GTF3C1: variants seen among roughly 807,000 people sequenced by gnomAD.
The protein encoded by GTF3C1 is general transcription factor IIIC subunit 1.
In GTF3C1, 57 loss-of-function variants were observed where a neutral mutation model predicts 226.7. The ratio of observed to expected loss-of-function variants is 0.25; its 90% CI spans 0.20 to 0.31. The LOEUF (loss-of-function observed/expected upper bound fraction) is 0.31, where lower values mean the gene tolerates loss of function less well. GTF3C1 is among the 10% of genes least tolerant of loss of function. The pLI is 1.00. For missense variants in GTF3C1, 2,217 were observed against 2,776.1 expected (o/e 0.80, Z 4.53); for synonymous variants, 1,090 against 1,084.8 (o/e 1.00, Z -0.09).
chr16:27,504,409 T>G (rs573558159), intron 10 of GTF3C1, among the ~76,000 whole-genome samples: 1 of 152,112 alleles, frequency 6.6e-6, no homozygotes, highest in Non-Finnish European at 1.5e-5. Flanking sequence ...CCTGACTCCA[T>G]AGAGAGTTGT....
rs1350050648 is a variant in GTF3C1, at chr16:27,505,945, C to T, written c.1724G>A (p.Ser575Asn). The change falls in exon 10 of 37, where the codon AGT becomes AAT. Residue 575 changes from serine to asparagine, a missense_variant. Coordinates refer to ENST00000356183, the MANE Select transcript of GTF3C1 (RefSeq NM_001520.4). ...SFVSHCADSN[S>N]GDIAVIEEVR... ...CTCCTCGATCACAGCTATGTCACCA[C>T]TGTTGCTGTCCGCACAGTGGGAGAC... 2 of 1,613,484 alleles carry T rather than the reference C, an allele frequency of 1.2e-6. No homozygotes were observed. Among genetic ancestry groups the T allele is most frequent in the Non-Finnish European group, 1.7e-6 (2 of 1,179,352 alleles).
In GTF3C1 at chr16:27,486,155, C is replaced by T. The variant is rs2088135570; in HGVS notation, c.3701-1G>A. The T allele has an allele frequency of 6.3e-7, 1 of 1,582,008 alleles. No individual in the cohort carries two copies. The highest frequency in any genetic ancestry group is 8.7e-7 in the Non-Finnish European group (1 of 1,154,038). ...TTGCTTTTTTCTCCTGGGAACTCTCCTAAAAACACCAGAGGGAGAAGGCAG... is the reference window on the plus strand; with the variant it reads ...TTGCTTTTTTCTCCTGGGAACTCTCTTAAAAACACCAGAGGGAGAAGGCAG... On this transcript the variant is annotated splice_acceptor_variant, in intron 23 of 36. Coordinates refer to ENST00000356183, the MANE Select transcript of GTF3C1 (RefSeq NM_001520.4). LOFTEE classifies it high-confidence loss of function.
Position 27,495,461 on chromosome 16 carries a change from C to T in GTF3C1, c.2382G>A (p.Leu794=). Residue 794 remains leucine (L), a synonymous_variant, in exon 15 of 37, where the codon CTG becomes CTA. Coordinates refer to ENST00000356183, the MANE Select transcript of GTF3C1 (RefSeq NM_001520.4). ...CCACCCGCAGGCGAGGCATTTTGGG[C>T]AGAAATCCTAGAGAACGCCCCAGTC... is the stretch of plus-strand genomic sequence containing the variant. The part of the protein sequence containing the change: ...VPGLGRSLGF[L]PKMPRLRVVH... 1 of 1,613,856 alleles carries T rather than the reference C, an allele frequency of 6.2e-7. No individual in the cohort carries two copies. The highest frequency in any genetic ancestry group is 8.5e-7 in the Non-Finnish European group (1 of 1,179,922).
chr16:27,521,023 C>T (rs938140167), intron 6 of GTF3C1, among the ~76,000 whole-genome samples: 2 of 152,074 alleles, frequency 1.3e-5, no homozygotes, highest in African/African-American at 4.8e-5. Flanking sequence ...CCAGCCTCCC[C>T]AATGCTCTTA....
rs932163140 is a variant in GTF3C1, at chr16:27,462,585, G to A, written c.5925-99C>T. The A allele has an allele frequency of 1.1e-5, 9 of 849,686 alleles. No individual in the cohort carries two copies. In the Admixed American group the frequency reaches 1.3e-4, roughly 12 times the overall value. 52.6% of individuals were successfully genotyped at this position (849,686 alleles called of 1,614,324 possible). ...TCAGGGGCGTCCTAGGCCTGGCCCA[G>A]GTCACAGGGCTGAGACCAGCCACCT... On this transcript the variant is annotated intron_variant, in intron 35 of 36. Transcript: ENST00000356183. The surrounding 1 kb of genome is among the most constrained non-coding windows in gnomAD (Gnocchi z 4.5).
intron 16 of GTF3C1, among the ~76,000 whole-genome samples, chr16:27,493,928 CA>C (rs997336942): frequency 6.7e-6 from 1 of 148,906 alleles, no homozygotes; most frequent in African/African-American, 2.4e-5. Flanking sequence ...AGTTTCAATT[CA>C]GCTTTTTTTT....
At chr16:27,474,663 C>T (rs557973338) in intron 29 of GTF3C1, among the ~76,000 whole-genome samples, 1 of 152,244 alleles carries the variant, frequency 6.6e-6, no homozygotes, top group Admixed American at 6.5e-5. Flanking sequence ...GGAACTTCAC[C>T]CAATACTATT....
chr16:27,544,670 A>T (rs1407133790), intron 2 of GTF3C1, among the ~76,000 whole-genome samples: 1 of 152,164 alleles, frequency 6.6e-6, no homozygotes, highest in African/African-American at 2.4e-5. Flanking sequence ...TTGAAAAAAA[A>T]TGATCATTTG....
At chr16:27,537,337 A>G (rs1407553343) in intron 4 of GTF3C1, among the ~76,000 whole-genome samples, 2 of 152,188 alleles carry the variant, frequency 1.3e-5, no homozygotes, top group Non-Finnish European at 2.9e-5. Context: ...AACAAGCAGG[A>G]CTTATTTTCA....
chr16:27,495,777 A>T (rs2088306812), intron 14 of GTF3C1, among the ~76,000 whole-genome samples: 1 of 152,078 alleles, frequency 6.6e-6, no homozygotes, highest in South Asian at 2.1e-4. Context: ...CTTAGAGTGA[A>T]CTCCAGTCGG....
chr16:27,489,771 A>G, intron 19 of GTF3C1, 28 bp from the exon 20 acceptor site: 3 of 1,601,932 alleles, frequency 1.9e-6, no homozygotes, highest in Non-Finnish European at 2.6e-6. Context: ...AGGGTGACCA[A>G]TCACGCCTTC....
At chr16:27,527,490 G>A (rs1231912913) in intron 6 of GTF3C1, among the ~76,000 whole-genome samples, 1 of 152,156 alleles carries the variant, frequency 6.6e-6, no homozygotes, top group African/African-American at 2.4e-5. Flanking sequence ...GACTAAGGAA[G>A]GTTTTTAAAG....
intron 23 of GTF3C1, among the ~76,000 whole-genome samples, chr16:27,487,472 C>T (rs963582659): frequency 6.6e-6 from 1 of 152,214 alleles, no homozygotes; most frequent in Middle Eastern, 3.2e-3. Flanking sequence ...GTCTAAAAGG[C>T]ACCGCACAAG....
In GTF3C1 at chr16:27,495,354, C is replaced by T. The variant is rs1295286594; in HGVS notation, c.2489G>A (p.Arg830Lys). 1.5e-5 allele frequency: 25 copies of T among 1,614,076 alleles called. No homozygotes were observed. Among genetic ancestry groups the T allele is most frequent in the Non-Finnish European group, 2.1e-5 (25 of 1,180,008 alleles). Residue 830 changes from arginine (R) to lysine (K), a missense_variant, in exon 15 of 37, where the codon AGA becomes AAA. Arg to Lys is a conservative substitution (Grantham distance 26). Around this residue, in one of 12 missense-constraint regions of GTF3C1, gnomAD observed 353 missense variants for 411.7 expected, o/e 0.86. Transcript: ENST00000356183. ...VEKPSFISER[R>K]TIKQESGRAG... The stretch of plus-strand genomic sequence containing the variant: ...CCTGCCTGACTCCTGCTTTATCGTT[C>T]TCCGTTCACTGATGAAGCTTGGCTT...
chr16:27,513,929 G>T (rs1052671799), intron 6 of GTF3C1, among the ~76,000 whole-genome samples: 1 of 152,168 alleles, frequency 6.6e-6, no homozygotes, highest in Non-Finnish European at 1.5e-5. Context: ...GAAGACTGAG[G>T]TCCGAGGAAA....
Position 27,465,524 on chromosome 16 carries a change from C to G in GTF3C1, c.5091G>C (p.Glu1697Asp). Reference sequence around the variant, plus strand: ...GGAGGCAGGAGGTTCCCATTGTTAGCTCTTCCAGAGGAGCGGCTGTGGGGA... The same window carrying G: ...GGAGGCAGGAGGTTCCCATTGTTAGGTCTTCCAGAGGAGCGGCTGTGGGGA... Reference protein sequence around the residue: ...RLRPAAAPLEELTMGTSCLPD... With the variant: ...RLRPAAAPLEDLTMGTSCLPD... Residue 1697 changes from glutamate (E) to aspartate (D), a missense_variant, in exon 33 of 37, where the codon GAG (glutamate) becomes GAC (aspartate). By Grantham distance (45) the Glu-to-Asp change is conservative. Coordinates refer to ENST00000356183, the MANE Select transcript of GTF3C1 (RefSeq NM_001520.4). The G allele has an allele frequency of 3.8e-6, 6 of 1,599,884 alleles. No homozygotes were observed. The highest frequency in any genetic ancestry group is 5.1e-6 in the Non-Finnish European group (6 of 1,179,302).
intron 12 of GTF3C1, among the ~76,000 whole-genome samples, chr16:27,499,879 G>T (rs995227125): frequency 2.6e-5 from 4 of 152,220 alleles, no homozygotes; most frequent in African/African-American, 9.6e-5. Flanking sequence ...CTGGGTGCCA[G>T]AGAAAGTCCT....
intron 2 of GTF3C1, among the ~76,000 whole-genome samples, chr16:27,543,773 G>C (rs1456946310): frequency 6.6e-6 from 1 of 152,136 alleles, no homozygotes; most frequent in Non-Finnish European, 1.5e-5. Context: ...AACAAAATAA[G>C]GCAGGAAGCC....
At chr16:27,526,191 G>A (rs78398199) in intron 6 of GTF3C1, among the ~76,000 whole-genome samples, 1,723 of 152,310 alleles carry the variant, frequency 0.011, 79 homozygotes, top group East Asian at 0.092. Context: ...CTAGGAAACC[G>A]TAAGTCTGGC....
Sources: gnomAD v4.1 joint callset for allele counts (sites outside exome capture counted in the v4.1 genomes callset) on GRCh38, gnomAD v4.1.1 for gene constraint, gnomAD v4.1.1 regional missense constraint, Gnocchi (gnomAD v3.1) non-coding constraint, MANE v1.5 for transcripts, NCBI Gene and HGNC (gene_info 2026-07-23, HGNC 2026-07-21) for gene names.